Variants in CD38 observed in about 807,000 individuals in gnomAD.
CD38 encodes the protein CD38 molecule, also known as ADP-ribosyl cyclase/cyclic ADP-ribose hydrolase 1.
A neutral mutation model predicts 36.3 loss-of-function variants in CD38; 31 were observed. The ratio of observed to expected loss-of-function variants is 0.85; its 90% confidence interval spans 0.64 to 1.15. CD38 has a LOEUF of 1.15. Ranked by LOEUF, CD38 falls within the 50% of genes most tolerant of loss-of-function variation. CD38 has a pLI of 0.00. For synonymous variants in CD38, 131 were observed against 135.2 expected (o/e 0.97, Z 0.22); for missense variants, 380 against 371.9 (o/e 1.02, Z -0.18).
intron 4 of CD38, among the ~76,000 whole-genome samples, chr4:15,836,110 T>C (rs62290649): frequency 0.14 from 21,246 of 152,258 alleles, 1,698 homozygotes; most frequent in South Asian, 0.22. Flanking sequence ...GCATATGTCT[T>C]AGTCCATTTG....
intron 1 of CD38, among the ~76,000 whole-genome samples, chr4:15,787,990 G>A (rs745480909): frequency 1.3e-5 from 2 of 152,178 alleles, no homozygotes; most frequent in Admixed American, 1.3e-4. Flanking sequence ...CCCACTCCTC[G>A]CCCTCTGCGT....
At chr4:15,811,495 T>C (rs1160864089) in intron 1 of CD38, among the ~76,000 whole-genome samples, 2 of 152,210 alleles carry the variant, frequency 1.3e-5, no homozygotes, top group Non-Finnish European at 2.9e-5. Context: ...TGTGGATATC[T>C]TGTTGTCCCT....
chr4:15,836,776 TC>T (rs1263696467), intron 4 of CD38, among the ~76,000 whole-genome samples: 1 of 152,208 alleles, frequency 6.6e-6, no homozygotes, highest in Non-Finnish European at 1.5e-5. Context: ...TTAGGGGGAT[TC>T]ATGTAAACCC....
intron 4 of CD38, among the ~76,000 whole-genome samples, chr4:15,834,927 T>C (rs1724034024): frequency 6.6e-6 from 1 of 152,212 alleles, no homozygotes; most frequent in South Asian, 2.1e-4. Flanking sequence ...ATAATAGTTT[T>C]ACATATTTAT....
intron 7 of CD38, among the ~76,000 whole-genome samples, chr4:15,847,936 A>T (rs1475577252): frequency 1.3e-5 from 2 of 152,154 alleles, no homozygotes; most frequent in Non-Finnish European, 2.9e-5. Context: ...CCATAATGGG[A>T]ACCAGGTGAC....
At chr4:15,801,314 A>T (rs1432818843) in intron 1 of CD38, among the ~76,000 whole-genome samples, 1 of 148,370 alleles carries the variant, frequency 6.7e-6, no homozygotes, top group African/African-American at 2.5e-5. Flanking sequence ...TTTCCCAATT[A>T]AAAAAAAAAG....
rs74914520 is a variant in CD38 at position 15,848,759 on chromosome 4, A to G, written c.*157A>G. On this transcript the variant is annotated 3_prime_UTR_variant, in exon 8 of 8. Transcript: ENST00000226279. ...GAAGCCTTTTTCCCCAAAGTCTTAA[A>G]ATAACTTATATCATCAGCATACCTT... 212 of 546,584 alleles carry G rather than the reference A, an allele frequency of 3.9e-4. 2 individuals are homozygous for G. The East Asian group carries it at 5.3e-3, about 14-fold the overall frequency. The allele number at this position is 546,584 out of a possible 1,614,324, so 33.9% of individuals were successfully genotyped here.
chr4:15,817,926 G>A (rs1189303989), intron 2 of CD38, among the ~76,000 whole-genome samples: 2 of 152,094 alleles, frequency 1.3e-5, no homozygotes, highest in Non-Finnish European at 2.9e-5. Flanking sequence ...AAACCGAGCC[G>A]CTGTTTGGGC....
chr4:15,832,867 G>A (rs1000218539), intron 3 of CD38, among the ~76,000 whole-genome samples: 2 of 152,092 alleles, frequency 1.3e-5, no homozygotes, highest in Admixed American at 1.3e-4. Flanking sequence ...CAGAAGCCAG[G>A]GACTAGAGTA....
At chr4:15,824,839 C>G in intron 2 of CD38, 42 bp from the exon 3 acceptor site, 1 of 1,506,958 alleles carries the variant, frequency 6.6e-7, no homozygotes, top group Non-Finnish European at 9.1e-7. Context: ...TTTTGACATG[C>G]TAAATTGATC....
chr4:15,837,492 G>A (rs1724094336), intron 4 of CD38, among the ~76,000 whole-genome samples: 2 of 152,144 alleles, frequency 1.3e-5, no homozygotes, highest in South Asian at 4.1e-4. Context: ...CTCCTGGAGG[G>A]AGCATATAGA....
intron 1 of CD38, among the ~76,000 whole-genome samples, chr4:15,783,195 G>A (rs1722735245): frequency 1.3e-5 from 2 of 152,240 alleles, no homozygotes; most frequent in South Asian, 2.1e-4. Context: ...ACAGCATCTC[G>A]GTACTGTGGG....
At chr4:15,838,935 A>G (rs951297788) in intron 5 of CD38, among the ~76,000 whole-genome samples, 34 of 152,230 alleles carry the variant, frequency 2.2e-4, no homozygotes, top group Middle Eastern at 3.4e-3. Context: ...ATCTGGCCAC[A>G]CCTGTGCCTT....
intron 2 of CD38, among the ~76,000 whole-genome samples, chr4:15,820,142 G>A (rs1344094761): frequency 6.6e-6 from 1 of 152,176 alleles, no homozygotes; most frequent in Non-Finnish European, 1.5e-5. Flanking sequence ...ACAAGCAAAT[G>A]CTAAGGGAAT....
rs375728825 is a variant in CD38 at position 15,816,253 on chromosome 4, C to T, written c.234-258C>T. 1.1e-3 allele frequency among the ~76,000 whole-genome samples: 167 copies of T among 151,980 alleles called. No homozygotes were observed. The Middle Eastern group carries it at 0.024, about 22-fold the overall frequency. On this transcript the variant is annotated intron_variant, in intron 1 of 7. Transcript: ENST00000226279. ...TTTTTATTGTGTCTCTGCCAGGTTT[C>T]GGTATTAGGATGATATTGGCCTCAT...
intron 3 of CD38, among the ~76,000 whole-genome samples, chr4:15,832,147 A>AT: frequency 6.6e-6 from 1 of 152,208 alleles, no homozygotes; most frequent in South Asian, 2.1e-4. Flanking sequence ...ATTCTTTTTA[A>AT]TTATTTCCAT....
intron 1 of CD38, among the ~76,000 whole-genome samples, chr4:15,798,608 A>T (rs1329409214): frequency 1.3e-5 from 2 of 152,184 alleles, no homozygotes; most frequent in African/African-American, 4.8e-5. Flanking sequence ...GGTAAAAGAA[A>T]TCTTCTGGAG....
intron 3 of CD38, among the ~76,000 whole-genome samples, chr4:15,832,747 C>A (rs367865667): frequency 6.6e-5 from 10 of 152,150 alleles, no homozygotes; most frequent in Non-Finnish European, 1.2e-4. Flanking sequence ...TATATTTGCT[C>A]AAGGCTCTGG....
chr4:15,792,893 C>T (rs1577637665), intron 1 of CD38, among the ~76,000 whole-genome samples: 1 of 152,310 alleles, frequency 6.6e-6, no homozygotes, highest in East Asian at 1.9e-4. Flanking sequence ...AAGATTTGCA[C>T]ATTGCATTAA....
Sources: gnomAD v4.1 joint callset for allele counts (sites outside exome capture counted in the v4.1 genomes callset) on GRCh38, gnomAD v4.1.1 for gene constraint, MANE v1.5 for transcripts, NCBI Gene and HGNC (gene_info 2026-07-23, HGNC 2026-07-21) for gene names.